Variants in LRMDA observed in about 807,000 individuals in gnomAD.
LRMDA encodes leucine rich melanocyte differentiation associated, also known as leucine-rich melanocyte differentiation-associated protein.
A neutral mutation model predicts 29.8 loss-of-function variants in LRMDA; 18 were observed. The observed-to-expected ratio is 0.60, with a 90% CI of 0.42 to 0.90. The LOEUF (loss-of-function observed/expected upper bound fraction) is 0.90. LRMDA is among the 40% of genes least tolerant of loss of function. LRMDA has a pLI of 0.00. For missense variants in LRMDA, 273 were observed against 273.9 expected (o/e 1.00, Z 0.02); for synonymous variants, 125 against 109.4 (o/e 1.14, Z -0.89).
intron 2 of LRMDA, among the ~76,000 whole-genome samples, chr10:75,817,720 T>TG: frequency 6.6e-6 from 1 of 152,252 alleles, no homozygotes; most frequent in Non-Finnish European, 1.5e-5. Context: ...AATAAGCGTT[T>TG]GGGAGGGTAT....
intron 2 of LRMDA, among the ~76,000 whole-genome samples, chr10:75,816,251 A>G (rs1030466983): frequency 3.3e-5 from 5 of 152,196 alleles, no homozygotes; most frequent in African/African-American, 9.6e-5. Context: ...TTGGAAAGCT[A>G]GGTACTCCAC....
At chr10:75,802,500 A>G (rs1365336180) in intron 2 of LRMDA, among the ~76,000 whole-genome samples, 2 of 152,180 alleles carry the variant, frequency 1.3e-5, no homozygotes, top group Admixed American at 6.5e-5. Context: ...AATGTTCATT[A>G]ATGATTAGCT....
chr10:75,854,488 T>A (rs1413963688), intron 2 of LRMDA, among the ~76,000 whole-genome samples: 1 of 152,188 alleles, frequency 6.6e-6, no homozygotes, highest in Non-Finnish European at 1.5e-5. Flanking sequence ...TTATATTTGT[T>A]GTCCTAGTAC....
At chr10:75,509,971 C>T (rs1845209481) in intron 2 of LRMDA, among the ~76,000 whole-genome samples, 1 of 152,198 alleles carries the variant, frequency 6.6e-6, no homozygotes, top group South Asian at 2.1e-4. Context: ...TCCTCCAAAA[C>T]AGACAGGGTT....
At position 75,584,037 on chromosome 10, in the gene LRMDA, G is replaced by A. The variant is rs118019333; in HGVS notation, c.131+145543G>A. The stretch of plus-strand genomic sequence containing the variant: ...TGGGAGGAAGTCTCATGTCCTTCAC[G>A]TGGTTCGCAAGGACCTGTGTGATCT... On this transcript the variant is annotated intron_variant, in intron 2 of 6. Transcript: ENST00000611255. 3.3e-4 allele frequency among the ~76,000 whole-genome samples: 50 copies of A among 152,150 alleles called. No homozygotes were observed. In the East Asian group the frequency reaches 9.1e-3, roughly 28 times the overall value.
chr10:75,752,242 T>C (rs1297529732), intron 2 of LRMDA, among the ~76,000 whole-genome samples: 3 of 140,462 alleles, frequency 2.1e-5, no homozygotes, highest in Non-Finnish European at 3.0e-5. Context: ...AGATGGAGTC[T>C]CACTCTGTCA....
intron 2 of LRMDA, among the ~76,000 whole-genome samples, chr10:75,637,857 G>T (rs1448910238): frequency 6.6e-6 from 1 of 152,118 alleles, no homozygotes. Flanking sequence ...CAGGAACCTG[G>T]ACGCTGGAGG....
intron 2 of LRMDA, among the ~76,000 whole-genome samples, chr10:75,689,000 C>A (rs1045375141): frequency 7.9e-5 from 12 of 151,596 alleles, no homozygotes; most frequent in African/African-American, 2.4e-4. Flanking sequence ...ATGTTTTTTA[C>A]AGTAACATAA....
chr10:76,091,428 A>G (rs570876910), intron 5 of LRMDA, among the ~76,000 whole-genome samples: 20 of 152,148 alleles, frequency 1.3e-4, no homozygotes, highest in African/African-American at 4.8e-4. Context: ...TCCCTTTGAT[A>G]CCATCTCTGC....
chr10:76,263,988 A>G (rs558462048), intron 5 of LRMDA, among the ~76,000 whole-genome samples: 1 of 152,306 alleles, frequency 6.6e-6, no homozygotes, highest in South Asian at 2.1e-4. Flanking sequence ...GAACTTTGGA[A>G]CTACTGCCAT....
intron 6 of LRMDA, among the ~76,000 whole-genome samples, chr10:76,426,593 G>A (rs1054289366): frequency 1.3e-5 from 2 of 152,196 alleles, no homozygotes; most frequent in African/African-American, 4.8e-5. Flanking sequence ...CTGTGCAGAA[G>A]CTCTTGAGTT....
chr10:76,522,577 A>T (rs1843131843), intron 6 of LRMDA, among the ~76,000 whole-genome samples: 1 of 152,236 alleles, frequency 6.6e-6, no homozygotes, highest in Non-Finnish European at 1.5e-5. Context: ...GATAAAGTTG[A>T]TGGATCTTAT....
intron 5 of LRMDA, among the ~76,000 whole-genome samples, chr10:76,233,114 G>C (rs964273521): frequency 1.6e-4 from 24 of 152,290 alleles, no homozygotes; most frequent in African/African-American, 7.2e-5. Flanking sequence ...CTTGGAGGTG[G>C]GATTTCACCG....
intron 6 of LRMDA, among the ~76,000 whole-genome samples, chr10:76,345,535 G>A (rs1036580633): frequency 5.9e-4 from 88 of 150,354 alleles, no homozygotes; most frequent in Non-Finnish European, 1.0e-3. Context: ...AGAATAGTAT[G>A]TATATTATAC....
intron 5 of LRMDA, among the ~76,000 whole-genome samples, chr10:76,320,002 C>G (rs1387711093): frequency 6.6e-6 from 1 of 152,152 alleles, no homozygotes; most frequent in Non-Finnish European, 1.5e-5. Context: ...TTCAGTGCAT[C>G]CAGGACATTC....
intron 2 of LRMDA, among the ~76,000 whole-genome samples, chr10:76,020,283 G>A (rs1564631932): frequency 6.6e-6 from 1 of 152,160 alleles, no homozygotes; most frequent in Non-Finnish European, 1.5e-5. Flanking sequence ...GCATGTTCAG[G>A]AAAACATGTC....
At chr10:75,739,614 G>A (rs1842806105) in intron 2 of LRMDA, among the ~76,000 whole-genome samples, 1 of 152,188 alleles carries the variant, frequency 6.6e-6, no homozygotes, top group Non-Finnish European at 1.5e-5. Flanking sequence ...TATCAGGCAG[G>A]TGAATCAACT....
intron 2 of LRMDA, among the ~76,000 whole-genome samples, chr10:75,907,599 G>C (rs1427107760): frequency 6.6e-6 from 1 of 152,186 alleles, no homozygotes; most frequent in Non-Finnish European, 1.5e-5. Flanking sequence ...TGACATTAAA[G>C]AGTGATGGCA....
intron 2 of LRMDA, among the ~76,000 whole-genome samples, chr10:75,781,902 C>G (rs935885413): frequency 8.5e-5 from 13 of 152,200 alleles, no homozygotes; most frequent in Admixed American, 3.3e-4. Flanking sequence ...CAGGTTTTCT[C>G]TCTCTCTGAA....
Sources: gnomAD v4.1 joint callset for allele counts (sites outside exome capture counted in the v4.1 genomes callset) on GRCh38, gnomAD v4.1.1 for gene constraint, MANE v1.5 for transcripts, NCBI Gene and HGNC (gene_info 2026-07-23, HGNC 2026-07-21) for gene names.